The following CCDC148 variants were observed in gnomAD, a reference collection of about 807,000 sequenced individuals.
CCDC148 encodes the protein coiled-coil domain-containing protein 148.
CCDC148 carries 89 observed loss-of-function variants against 85.7 expected under a neutral mutation model. The observed-to-expected ratio is 1.04, with a 90% CI of 0.87 to 1.24. CCDC148 has a LOEUF of 1.24. CCDC148 is among the 50% of genes most tolerant of loss of function. The pLI is 0.00. For missense variants in CCDC148, 692 were observed against 671.7 expected (o/e 1.03, Z -0.33); for synonymous variants, 230 against 213.9 (o/e 1.08, Z -0.66).
chr2:158,367,848 T>C (rs1684269616), intron 1 of CCDC148, among the ~76,000 whole-genome samples: 1 of 152,166 alleles, frequency 6.6e-6, no homozygotes, highest in African/African-American at 2.4e-5. Context: ...AGCTGAGGTA[T>C]TATAAAACTG....
At chr2:158,395,022 C>T (rs773680555) in intron 1 of CCDC148, among the ~76,000 whole-genome samples, 1 of 151,588 alleles carries the variant, frequency 6.6e-6, no homozygotes, top group Non-Finnish European at 1.5e-5. Flanking sequence ...GTTCCTTAAT[C>T]AGGAAAAAAG....
chr2:158,267,836 C>T (rs541771416), intron 9 of CCDC148, among the ~76,000 whole-genome samples: 1 of 152,270 alleles, frequency 6.6e-6, no homozygotes, highest in African/African-American at 2.4e-5. Flanking sequence ...ATATAAAAGG[C>T]ATTACACAGT....
At chr2:158,423,085 C>A (rs550288711) in intron 1 of CCDC148, among the ~76,000 whole-genome samples, 11 of 151,910 alleles carry the variant, frequency 7.2e-5, no homozygotes, top group South Asian at 6.2e-4. Context: ...AAAAGAGGAC[C>A]GAAACAAATG....
intron 2 of CCDC148, among the ~76,000 whole-genome samples, chr2:158,354,341 A>G (rs1242617114): frequency 6.6e-6 from 1 of 152,146 alleles, no homozygotes; most frequent in Non-Finnish European, 1.5e-5. Context: ...CAAGACTAAT[A>G]AAGAAAAAAA....
intron 9 of CCDC148, among the ~76,000 whole-genome samples, chr2:158,309,082 T>G (rs1691842415): frequency 6.6e-6 from 1 of 152,208 alleles, no homozygotes; most frequent in African/African-American, 2.4e-5. Flanking sequence ...GAATGAGAAG[T>G]CCAAGAGTCT....
intron 9 of CCDC148, among the ~76,000 whole-genome samples, chr2:158,306,748 A>G (rs1559058108): frequency 6.6e-6 from 1 of 152,016 alleles, no homozygotes; most frequent in East Asian, 1.9e-4. Context: ...TAATGGGTGC[A>G]GCACACCAAC....
chr2:158,257,642 A>AT (rs902800700), intron 9 of CCDC148, among the ~76,000 whole-genome samples: 3 of 151,692 alleles, frequency 2.0e-5, no homozygotes, highest in East Asian at 1.9e-4. Context: ...TCATAAGTTC[A>AT]TTTTTTTATC....
chr2:158,430,071 C>T (rs919421985), intron 1 of CCDC148, among the ~76,000 whole-genome samples: 30 of 151,982 alleles, frequency 2.0e-4, no homozygotes, highest in Admixed American at 6.6e-4. Flanking sequence ...GAGGTGTGTG[C>T]GGAGACGAAA....
At chr2:158,322,794 G>A (rs1692579914) in intron 7 of CCDC148, among the ~76,000 whole-genome samples, 1 of 152,018 alleles carries the variant, frequency 6.6e-6, no homozygotes, top group Non-Finnish European at 1.5e-5. Context: ...TTAAATCATT[G>A]TGGGTTTTAA....
At chr2:158,290,359 C>CT (rs1437946563) in intron 9 of CCDC148, among the ~76,000 whole-genome samples, 1 of 152,214 alleles carries the variant, frequency 6.6e-6, no homozygotes, top group Non-Finnish European at 1.5e-5. Flanking sequence ...CATCTGCCAG[C>CT]TTTTTCGCTT....
intron 1 of CCDC148, among the ~76,000 whole-genome samples, chr2:158,446,267 G>A (rs532270090): frequency 6.6e-6 from 1 of 151,978 alleles, no homozygotes; most frequent in Non-Finnish European, 1.5e-5. Flanking sequence ...AGGCAGGATT[G>A]CTTGACCCCA....
intron 1 of CCDC148, among the ~76,000 whole-genome samples, chr2:158,382,725 A>G (rs1296124591): frequency 6.6e-6 from 1 of 151,390 alleles, no homozygotes; most frequent in East Asian, 2.0e-4. Flanking sequence ...CCTGGCCAAC[A>G]TGGTAAAATC....
rs1001116252 is a variant in CCDC148 at position 158,201,246 on chromosome 2, T to C, written c.1370+19349A>G. Among the ~76,000 whole-genome samples, 6 of 152,322 alleles carry C rather than the reference T, an allele frequency of 3.9e-5. 1 individual carries two copies. The Middle Eastern group carries it at 0.01, about 259-fold the overall frequency. ...TTTCTTTTACACTGAGTCCTAGTCCTGTTAATATTAATATGTCAATTTATA... is the reference window on the plus strand; with the variant it reads ...TTTCTTTTACACTGAGTCCTAGTCCCGTTAATATTAATATGTCAATTTATA... On this transcript the variant is annotated intron_variant, in intron 11 of 13. Transcript: ENST00000283233.
At chr2:158,432,263 A>G (rs1339838534) in intron 1 of CCDC148, among the ~76,000 whole-genome samples, 1 of 152,040 alleles carries the variant, frequency 6.6e-6, no homozygotes, top group Non-Finnish European at 1.5e-5. Context: ...TGGTAGGCTT[A>G]CATCCAACCA....
chr2:158,240,070 T>G (rs978072264), intron 10 of CCDC148, among the ~76,000 whole-genome samples: 1 of 151,744 alleles, frequency 6.6e-6, no homozygotes, highest in African/African-American at 2.4e-5. Context: ...CTCAGCCAAG[T>G]GGGGACACTT....
intron 9 of CCDC148, among the ~76,000 whole-genome samples, chr2:158,255,654 A>G (rs1463585800): frequency 6.6e-6 from 1 of 151,768 alleles, no homozygotes; most frequent in Admixed American, 6.6e-5. Context: ...GAGCAAAAGG[A>G]AGAATAGCAC....
rs577159329 is a variant in CCDC148, at chr2:158,228,093, A to G, written c.1252-7380T>C. 7.2e-5 allele frequency among the ~76,000 whole-genome samples: 11 copies of G among 152,296 alleles called. No individual in the cohort carries two copies. The East Asian group carries it at 2.1e-3, about 29-fold the overall frequency. ...GGCTAATATCCAGAATCTACAATGA[A>G]CTCCAACAAATTTACAAGAAAAAAA... is the stretch of plus-strand genomic sequence containing the variant. On this transcript the variant is annotated intron_variant, in intron 10 of 13. Transcript: ENST00000283233.
intron 1 of CCDC148, among the ~76,000 whole-genome samples, chr2:158,397,140 G>A (rs772732906): frequency 1.3e-5 from 2 of 152,000 alleles, no homozygotes; most frequent in South Asian, 4.1e-4. Context: ...GCAAGAATCT[G>A]TCTCAAAATC....
Position 158,250,799 on chromosome 2 carries a change from C to A in CCDC148, c.1224G>T (p.Leu408Phe), listed in dbSNP as rs1157634573. ...EKEKLWKKKE[L>F]LQRAEKKKKI... ...TTTTTTTCTTCTCTGCTCTTTGCAACAATTCCTTCTTCTTCCACAGTTTCT... is the reference window on the plus strand; with the variant it reads ...TTTTTTTCTTCTCTGCTCTTTGCAAAAATTCCTTCTTCTTCCACAGTTTCT... The change falls in exon 10 of 14, where the codon TTG (leucine) becomes TTT (phenylalanine). Residue 408 changes from leucine to phenylalanine, a missense_variant. Physicochemically the swap from Leu to Phe is conservative, Grantham distance 22 (BLOSUM62 0). Coordinates refer to ENST00000283233, the MANE Select transcript of CCDC148 (RefSeq NM_138803.4). The A allele has an allele frequency of 6.3e-7, 1 of 1,589,894 alleles. No homozygotes were observed.
Sources: allele counts gnomAD v4.1 joint callset (sites outside exome capture counted in the v4.1 genomes callset), GRCh38; gene constraint gnomAD v4.1.1; transcripts MANE v1.5; gene names NCBI Gene and HGNC (gene_info 2026-07-23, HGNC 2026-07-21).